EPHA5: variants seen among roughly 807,000 people sequenced by gnomAD.
EPHA5 encodes ephrin type-A receptor 5.
In EPHA5, 60 loss-of-function variants were observed where a neutral mutation model predicts 105.0. That is an observed-to-expected ratio of 0.57 (90% CI 0.46 to 0.71). The LOEUF is 0.71. Among genes scored for constraint, EPHA5 ranks in the 30% least tolerant of loss-of-function variants. The pLI is 0.00. For missense variants in EPHA5, 1,218 were observed against 1,274.7 expected, an observed-to-expected ratio of 0.96 and a Z score of 0.68; for synonymous variants, 513 against 449.1, an observed-to-expected ratio of 1.14 and a Z score of -1.80.
chr4:65,481,845 C>T (rs1730394200), intron 5 of EPHA5, among the ~76,000 whole-genome samples: 1 of 152,168 alleles, frequency 6.6e-6, no homozygotes, highest in Non-Finnish European at 1.5e-5. Flanking sequence ...TGGTAGCTGG[C>T]TTAGGTGCTA....
In EPHA5 at chr4:65,669,738, C is replaced by G. The variant is rs538762829; in HGVS notation, c.5G>C (p.Arg2Pro). The G allele has an allele frequency of 7.9e-7, 1 of 1,258,276 alleles. No homozygotes were observed. Among genetic ancestry groups the G allele is most frequent in the Non-Finnish European group, 1.0e-6 (1 of 1,000,730 alleles). The allele number at this position is 1,258,276 out of a possible 1,614,324, so 77.9% of individuals were successfully genotyped here. Residue 2 changes from arginine (R) to proline (P), a missense_variant, in exon 1 of 17, where the codon CGG becomes CCG. Transcript: ENST00000613740. ...TCCCGCACCCCGGGGCCCCGAGCCC[C>G]GCATCTTCTCCGAGCCTCCTCCGGT... M[R>P]GSGPRGAGRR... is the part of the protein sequence containing the mutation.
intron 3 of EPHA5, among the ~76,000 whole-genome samples, chr4:65,544,829 G>A (rs1244395695): frequency 1.3e-5 from 2 of 151,678 alleles, no homozygotes; most frequent in Non-Finnish European, 2.9e-5. Context: ...CAACCCAAAT[G>A]CCCATCATTC....
chr4:65,346,780 C>T (rs1722264380), intron 14 of EPHA5, among the ~76,000 whole-genome samples: 1 of 152,004 alleles, frequency 6.6e-6, no homozygotes, highest in Non-Finnish European at 1.5e-5. Flanking sequence ...AACAAATTTA[C>T]AAGAAAAAAA....
chr4:65,365,199 T>C lies in EPHA5; in HGVS notation c.1991A>G (p.Glu664Gly). The C allele has an allele frequency of 1.9e-6, 3 of 1,607,946 alleles. No homozygotes were observed. In the East Asian group the frequency reaches 6.7e-5, roughly 36 times the overall value. The change falls in exon 11 of 17, where the codon GAA becomes GGA. Residue 664 changes from glutamate (E) to glycine (G), a missense_variant. Around this residue, in one of 3 missense-constraint regions of EPHA5, gnomAD observed 971 missense variants for 1,013.5 expected, o/e 0.96. Coordinates refer to ENST00000613740, the MANE Select transcript of EPHA5 (RefSeq NM_001281766.3). ...ITIERVIGAGEFGEVCSGRLK... is the reference protein window; with the variant it reads ...ITIERVIGAGGFGEVCSGRLK... ...ACGTCCACTACAAACTTCACCAAAT[T>C]CACCTTGTGATAAAGATGAAAAAAA...
At chr4:65,353,159 T>G (rs1722984274) in intron 11 of EPHA5, 56 bp from the exon 12 acceptor site, 3 of 1,086,644 alleles carry the variant, frequency 2.8e-6, no homozygotes, top group Non-Finnish European at 1.3e-6. Flanking sequence ...CATTCTTATC[T>G]GGCAAAGCTT....
intron 5 of EPHA5, among the ~76,000 whole-genome samples, chr4:65,461,192 TA>T (rs1728089919): frequency 6.6e-6 from 1 of 151,958 alleles, no homozygotes; most frequent in Non-Finnish European, 1.5e-5. Context: ...CAACCAAGAC[TA>T]AACTTAAAGT....
intron 3 of EPHA5, among the ~76,000 whole-genome samples, chr4:65,500,050 A>G (rs1201358728): frequency 1.3e-5 from 2 of 151,316 alleles, no homozygotes; most frequent in African/African-American, 4.8e-5. Flanking sequence ...ATAATAATGA[A>G]CAAACAATGA....
chr4:65,513,057 T>C (rs1451066024), intron 3 of EPHA5, among the ~76,000 whole-genome samples: 1 of 152,210 alleles, frequency 6.6e-6, no homozygotes, highest in African/African-American at 2.4e-5. Flanking sequence ...CAAATTATTA[T>C]GTGGTTTGGA....
intron 2 of EPHA5, among the ~76,000 whole-genome samples, chr4:65,633,225 C>A (rs1205185148): frequency 6.6e-6 from 1 of 151,710 alleles, no homozygotes; most frequent in Non-Finnish European, 1.5e-5. Flanking sequence ...AACAGGAATG[C>A]GGGATGATTA....
intron 3 of EPHA5, among the ~76,000 whole-genome samples, chr4:65,514,627 T>G (rs925460762): frequency 1.3e-5 from 2 of 152,176 alleles, no homozygotes; most frequent in African/African-American, 4.8e-5. Flanking sequence ...GGCAGATTTG[T>G]AATCAAAATT....
At chr4:65,528,783 C>A (rs1735483357) in intron 3 of EPHA5, among the ~76,000 whole-genome samples, 1 of 152,096 alleles carries the variant, frequency 6.6e-6, no homozygotes, top group Non-Finnish European at 1.5e-5. Context: ...TGCACTAAAT[C>A]GAGCACTTAA....
chr4:65,470,545 A>G (rs1729186757), intron 5 of EPHA5, among the ~76,000 whole-genome samples: 1 of 152,174 alleles, frequency 6.6e-6, no homozygotes, highest in African/African-American at 2.4e-5. Flanking sequence ...GCTGTCTTGT[A>G]ATAACCATGT....
At chr4:65,376,940 G>T in intron 8 of EPHA5, 1 of 1,428,298 alleles carries the variant, frequency 7.0e-7, no homozygotes, top group Non-Finnish European at 9.4e-7. Context: ...AAGGAATGCC[G>T]ACGGTAATAC....
chr4:65,645,573 A>C (rs1425022263), intron 1 of EPHA5, among the ~76,000 whole-genome samples: 1 of 152,052 alleles, frequency 6.6e-6, no homozygotes, highest in Admixed American at 6.6e-5. Context: ...GATTCAGTTA[A>C]CTGCACTTGA....
chr4:65,597,812 C>A (rs1053547798), intron 3 of EPHA5, among the ~76,000 whole-genome samples: 2 of 152,136 alleles, frequency 1.3e-5, no homozygotes, highest in Non-Finnish European at 2.9e-5. Context: ...GATGACAGAT[C>A]ACAAATTGCT....
intron 1 of EPHA5, among the ~76,000 whole-genome samples, chr4:65,645,470 C>A (rs1748034992): frequency 6.6e-6 from 1 of 152,052 alleles, no homozygotes; most frequent in African/African-American, 2.4e-5. Context: ...GAATTCATAA[C>A]CAGCCTACCA....
intron 5 of EPHA5, among the ~76,000 whole-genome samples, chr4:65,433,584 A>T (rs1052799489): frequency 2.6e-5 from 4 of 152,206 alleles, no homozygotes. Flanking sequence ...AATTACCAAC[A>T]AAGTAGTGGT....
intron 14 of EPHA5, among the ~76,000 whole-genome samples, chr4:65,338,257 A>AT (rs1229599097): frequency 7.2e-5 from 11 of 152,076 alleles, no homozygotes; most frequent in African/African-American, 2.4e-4. Flanking sequence ...TGATTATAAG[A>AT]TTTTCCATGG....
At chr4:65,449,154 A>G (rs939088191) in intron 5 of EPHA5, among the ~76,000 whole-genome samples, 8 of 152,170 alleles carry the variant, frequency 5.3e-5, no homozygotes, top group African/African-American at 1.9e-4. Flanking sequence ...AAAAAGGATT[A>G]TTCCTAAGTA....
Sources: allele counts gnomAD v4.1 joint callset (sites outside exome capture counted in the v4.1 genomes callset), GRCh38; gene constraint gnomAD v4.1.1; regional missense constraint gnomAD v4.1.1; transcripts MANE v1.5; gene names NCBI Gene and HGNC (gene_info 2026-07-23, HGNC 2026-07-21).